Variants in NAALADL2 observed in about 807,000 individuals in gnomAD.
The protein encoded by NAALADL2 is inactive N-acetylated-alpha-linked acidic dipeptidase-like protein 2.
Under a neutral mutation model 87.2 loss-of-function variants are expected in NAALADL2, and 76 were observed. That is an observed-to-expected ratio of 0.87 (90% CI 0.72 to 1.05). The LOEUF is 1.05. Among genes scored for constraint, NAALADL2 ranks in the 50% least tolerant of loss-of-function variants. The probability of loss-of-function intolerance (pLI) is 0.00; values close to 1 mark genes in which losing one functional copy is unlikely to be tolerated. For synonymous variants in NAALADL2, 354 were observed against 331.0 expected (o/e 1.07, Z -0.75); for missense variants, 1,089 against 945.8 (o/e 1.15, Z -1.99).
intron 11 of NAALADL2, among the ~76,000 whole-genome samples, chr3:175,696,081 T>G: frequency 6.6e-6 from 1 of 152,178 alleles, no homozygotes; most frequent in Admixed American, 6.6e-5. Context: ...CCATTAATTT[T>G]TATAGCAAGA....
At chr3:175,195,560 T>C (rs1475287205) in intron 2 of NAALADL2, among the ~76,000 whole-genome samples, 1 of 151,784 alleles carries the variant, frequency 6.6e-6, no homozygotes, top group African/African-American at 2.4e-5. Context: ...GGCAATACCC[T>C]GAGATGGGAA....
At chr3:175,080,198 C>T (rs1717516679) in intron 1 of NAALADL2, among the ~76,000 whole-genome samples, 1 of 152,170 alleles carries the variant, frequency 6.6e-6, no homozygotes, top group African/African-American at 2.4e-5. Flanking sequence ...ATCTCCTGAC[C>T]TCGTGATCCA....
rs1303778794 is a variant in NAALADL2 at position 175,013,299 on chromosome 3, A to AT, written c.44-83490dup. 2.3e-3 allele frequency among the ~76,000 whole-genome samples: 170 copies of AT among 75,138 alleles called. 7 individuals carry two copies. The highest frequency in any genetic ancestry group is 4.8e-3 in the South Asian group (11 of 2,298). The allele number at this position is 75,138 out of a possible 152,430, so 49.3% of individuals were successfully genotyped here. A position where few individuals can be genotyped will look rare whatever the true frequency, so the allele number is the denominator to read the frequency against. ...TATACATATATATATATATATATAT[A>AT]TATTTTTTTTTTTTTTTGAGACAGG... On this transcript the variant is annotated intron_variant, in intron 1 of 13. Coordinates refer to ENST00000454872, the MANE Select transcript of NAALADL2 (RefSeq NM_207015.3).
At chr3:175,029,731 A>G (rs1752609217) in intron 1 of NAALADL2, among the ~76,000 whole-genome samples, 1 of 152,052 alleles carries the variant, frequency 6.6e-6, no homozygotes, top group African/African-American at 2.4e-5. Context: ...TAATACTCAG[A>G]CACACTAAAC....
chr3:175,128,939 G>C (rs1198167907), intron 2 of NAALADL2, among the ~76,000 whole-genome samples: 1 of 151,082 alleles, frequency 6.6e-6, no homozygotes, highest in African/African-American at 2.4e-5. Context: ...TTTTTTGTTT[G>C]TTTGTTTGTT....
At chr3:175,693,140 C>T (rs1352331184) in intron 11 of NAALADL2, among the ~76,000 whole-genome samples, 1 of 152,070 alleles carries the variant, frequency 6.6e-6, no homozygotes. Context: ...TATTTTTCCC[C>T]AACAGTGATG....
chr3:175,139,143 G>A (rs1729613899), intron 2 of NAALADL2, among the ~76,000 whole-genome samples: 1 of 151,330 alleles, frequency 6.6e-6, no homozygotes, highest in Non-Finnish European at 1.5e-5. Context: ...GTGGAAATTA[G>A]ATTTTTTTAA....
intron 2 of NAALADL2, among the ~76,000 whole-genome samples, chr3:175,220,033 T>C (rs1242645770): frequency 6.6e-6 from 1 of 151,772 alleles, no homozygotes; most frequent in Admixed American, 6.6e-5. Context: ...TAAGTCAGAA[T>C]GTTTGATTTT....
At chr3:175,021,371 A>G (rs1411558091) in intron 1 of NAALADL2, among the ~76,000 whole-genome samples, 2 of 152,080 alleles carry the variant, frequency 1.3e-5, no homozygotes, top group Non-Finnish European at 2.9e-5. Context: ...GTAAAGAAAT[A>G]TTTTATAAAC....
chr3:175,759,592 G>C (rs1306264111), intron 13 of NAALADL2, among the ~76,000 whole-genome samples: 1 of 152,046 alleles, frequency 6.6e-6, no homozygotes, highest in Non-Finnish European at 1.5e-5. Flanking sequence ...TCCTGACCTC[G>C]TGATTTGCCT....
At chr3:175,441,369 C>A (rs1419506524) in intron 5 of NAALADL2, among the ~76,000 whole-genome samples, 1 of 151,988 alleles carries the variant, frequency 6.6e-6, no homozygotes, top group Admixed American at 6.6e-5. Context: ...AATACTAGGC[C>A]AGTTTATTTA....
At chr3:175,136,783 T>A (rs962809415) in intron 2 of NAALADL2, among the ~76,000 whole-genome samples, 1 of 152,180 alleles carries the variant, frequency 6.6e-6, no homozygotes, top group South Asian at 2.1e-4. Context: ...AAGAGTCTAG[T>A]GTGATTACCA....
At chr3:174,890,817 A>G (rs1730781489) in intron 1 of NAALADL2, among the ~76,000 whole-genome samples, 1 of 152,196 alleles carries the variant, frequency 6.6e-6, no homozygotes, top group Admixed American at 6.5e-5. Context: ...CTAAATAAAT[A>G]TAAGATAGGA....
Position 175,363,443 on chromosome 3 carries a change from G to A in NAALADL2, c.1090+39118G>A, listed in dbSNP as rs1453129781. Among the ~76,000 whole-genome samples the A allele has an allele frequency of 2.0e-5, 3 of 147,258 alleles. No individual in the cohort carries two copies. The East Asian group carries it at 6.0e-4, about 30-fold the overall frequency. ...AAAAATATAACTGGAGACTTCGCAT[G>A]GCCATGGGGAAGAGATGCTTGTCTG... On this transcript the variant is annotated intron_variant, in intron 5 of 13. Coordinates refer to ENST00000454872, the MANE Select transcript of NAALADL2 (RefSeq NM_207015.3).
At chr3:174,993,430 A>T (rs1371049582) in intron 1 of NAALADL2, among the ~76,000 whole-genome samples, 2 of 152,116 alleles carry the variant, frequency 1.3e-5, no homozygotes, top group African/African-American at 4.8e-5. Context: ...TCTTCAAGCA[A>T]GTGAGACATT....
chr3:174,906,138 C>A (rs1231610628), intron 1 of NAALADL2, among the ~76,000 whole-genome samples: 1 of 151,990 alleles, frequency 6.6e-6, no homozygotes, highest in Non-Finnish European at 1.5e-5. Context: ...TTATATTTCT[C>A]AATGATCTTT....
chr3:175,014,320 C>A (rs928887857), intron 1 of NAALADL2, among the ~76,000 whole-genome samples: 4 of 152,074 alleles, frequency 2.6e-5, no homozygotes, highest in African/African-American at 9.7e-5. Context: ...CTGAAAACTA[C>A]AACACCTACC....
At chr3:174,970,872 A>G (rs943227680) in intron 1 of NAALADL2, among the ~76,000 whole-genome samples, 13 of 152,196 alleles carry the variant, frequency 8.5e-5, no homozygotes, top group African/African-American at 2.4e-5. Context: ...GAAATTATAC[A>G]TATCAGCACA....
At chr3:175,673,223 T>C (rs992330583) in intron 11 of NAALADL2, among the ~76,000 whole-genome samples, 2 of 152,210 alleles carry the variant, frequency 1.3e-5, no homozygotes, top group Non-Finnish European at 2.9e-5. Flanking sequence ...AAAACTTTTG[T>C]ACAAGTCTAA....
Sources: allele counts gnomAD v4.1 joint callset (sites outside exome capture counted in the v4.1 genomes callset), GRCh38; gene constraint gnomAD v4.1.1; transcripts MANE v1.5; gene names NCBI Gene and HGNC (gene_info 2026-07-23, HGNC 2026-07-21).